SLC24A4: variants seen among roughly 807,000 people sequenced by gnomAD.
SLC24A4 encodes the protein sodium/potassium/calcium exchanger 4.
In SLC24A4, 53 loss-of-function variants were observed where a neutral mutation model predicts 79.0. The observed-to-expected ratio is 0.67, with a 90% confidence interval of 0.54 to 0.84. SLC24A4 has a LOEUF of 0.84. Among genes scored for constraint, SLC24A4 ranks in the 40% least tolerant of loss-of-function variants. The pLI is 0.00. For synonymous variants in SLC24A4, 323 were observed against 323.8 expected (o/e 1.00, Z 0.03); for missense variants, 731 against 822.0 (o/e 0.89, Z 1.35).
At chr14:92,471,434 A>AATT (rs75739467) in intron 12 of SLC24A4, among the ~76,000 whole-genome samples, 11,563 of 152,258 alleles carry the variant, frequency 0.076, 526 homozygotes, top group Non-Finnish European at 0.098. Flanking sequence ...AAGCCTAGGA[A>AATT]ATTAAGATTT....
chr14:92,447,240 G>T (rs997770108), intron 8 of SLC24A4, 131 bp from the exon 9 acceptor site: 1 of 747,580 alleles, frequency 1.3e-6, no homozygotes, highest in Admixed American at 2.2e-5. Flanking sequence ...ACATGCCTGG[G>T]TTCTGGGCCC....
rs1049012693 is a variant in SLC24A4, at chr14:92,493,726, C to T, written c.*98C>T. The T allele has an allele frequency of 3.7e-6, 5 of 1,360,924 alleles. No homozygotes were observed. In the Admixed American group the frequency reaches 8.8e-5, roughly 24 times the overall value. 84.3% of individuals were successfully genotyped at this position (1,360,924 alleles called of 1,614,324 possible). A position where few individuals can be genotyped will look rare whatever the true frequency, so the allele number is the denominator to read the frequency against. On this transcript the variant is annotated 3_prime_UTR_variant, in exon 17 of 17. Transcript: ENST00000532405. ...CCACCACAGGTCTCTCCTGCATAGG[C>T]AGCCACTGTCCGTTCTTTCACACAC...
chr14:92,475,930 A>G (rs1412696331), intron 12 of SLC24A4, among the ~76,000 whole-genome samples: 1 of 152,176 alleles, frequency 6.6e-6, no homozygotes, highest in African/African-American at 2.4e-5. Flanking sequence ...AAACATAGCA[A>G]TGGAACGGGT....
At chr14:92,443,789 G>A (rs1400621816) in intron 7 of SLC24A4, among the ~76,000 whole-genome samples, 1 of 152,228 alleles carries the variant, frequency 6.6e-6, no homozygotes, top group Non-Finnish European at 1.5e-5. Flanking sequence ...CTGCTGGGCT[G>A]TAGTTAAGGC....
At chr14:92,469,168 G>A (rs1894296004) in intron 12 of SLC24A4, among the ~76,000 whole-genome samples, 1 of 152,142 alleles carries the variant, frequency 6.6e-6, no homozygotes, top group Non-Finnish European at 1.5e-5. Context: ...GTACTGGTGA[G>A]GGGATGGGAA....
chr14:92,397,562 G>T (rs1018463881), intron 2 of SLC24A4, among the ~76,000 whole-genome samples: 1 of 152,214 alleles, frequency 6.6e-6, no homozygotes, highest in African/African-American at 2.4e-5. Context: ...GGGTTCCAGG[G>T]AGATTTAAAT....
intron 2 of SLC24A4, among the ~76,000 whole-genome samples, chr14:92,410,732 G>T (rs1890663165): frequency 6.6e-6 from 1 of 152,148 alleles, no homozygotes; most frequent in African/African-American, 2.4e-5. Context: ...GAAAAACCTT[G>T]CCCAAGGCCA....
At chr14:92,334,031 G>A (rs1885634165) in intron 2 of SLC24A4, among the ~76,000 whole-genome samples, 1 of 152,204 alleles carries the variant, frequency 6.6e-6, no homozygotes, top group African/African-American at 2.4e-5. Context: ...CAGGACAAGT[G>A]GGTGAGGAGG....
chr14:92,462,217 A>G (rs1231712806), intron 12 of SLC24A4: 3 of 152,208 alleles, frequency 2.0e-5, no homozygotes. Context: ...AAGCCAGCAC[A>G]TGGCCTTAGG....
At chr14:92,406,239 C>A (rs1005026534) in intron 2 of SLC24A4, among the ~76,000 whole-genome samples, 13 of 152,268 alleles carry the variant, frequency 8.5e-5, no homozygotes, top group African/African-American at 3.1e-4. Context: ...TGGCCTTGGG[C>A]AGCTCTGTCC....
intron 2 of SLC24A4, among the ~76,000 whole-genome samples, chr14:92,409,698 T>A (rs1188765171): frequency 6.6e-6 from 1 of 152,228 alleles, no homozygotes; most frequent in East Asian, 1.9e-4. Flanking sequence ...TTTGGGATTG[T>A]TTGGTTTTTT....
rs1884898449 is a variant in SLC24A4, at chr14:92,323,279, A to C, written c.-552A>C. 1 of 152,096 alleles carries C rather than the reference A, an allele frequency of 6.6e-6. No individual in the cohort carries two copies. The highest frequency in any genetic ancestry group is 1.5e-5 in the Non-Finnish European group (1 of 67,980). 9.4% of individuals were successfully genotyped at this position (152,096 alleles called of 1,614,324 possible). Reference sequence around the variant, plus strand: ...CGAGGGTCTCAGGTACCGCGCGTCCAGCCAGCCTTCCCGCGGCGCGCACTC... The same window carrying C: ...CGAGGGTCTCAGGTACCGCGCGTCCCGCCAGCCTTCCCGCGGCGCGCACTC... On this transcript the variant is annotated 5_prime_UTR_variant, in exon 1 of 17. Transcript: ENST00000532405. The surrounding 1 kb of genome is among the most constrained non-coding windows in gnomAD (Gnocchi z 4.9).
At chr14:92,364,722 C>T (rs1383132191) in intron 2 of SLC24A4, among the ~76,000 whole-genome samples, 1 of 152,218 alleles carries the variant, frequency 6.6e-6, no homozygotes, top group Non-Finnish European at 1.5e-5. Flanking sequence ...GGCCTCACCT[C>T]TCTGATCACC....
At chr14:92,328,051 G>A (rs1042426088) in intron 2 of SLC24A4, among the ~76,000 whole-genome samples, 13 of 120,574 alleles carry the variant, frequency 1.1e-4, no homozygotes, top group African/African-American at 3.9e-4. Context: ...AAGTTTAGTG[G>A]CTTCCTAAGA....
In SLC24A4 at chr14:92,490,844, C is replaced by T. The variant is rs562418378; in HGVS notation, c.1538-821C>T. Among the ~76,000 whole-genome samples, 3 of 152,296 alleles carry T rather than the reference C, an allele frequency of 2.0e-5. No homozygotes were observed. The highest frequency in any genetic ancestry group is 2.1e-4 in the South Asian group (1 of 4,818). On this transcript the variant is annotated intron_variant, in intron 14 of 16. Coordinates refer to ENST00000532405, the MANE Select transcript of SLC24A4 (RefSeq NM_153646.4). The surrounding 1 kb of genome is among the most constrained non-coding windows in gnomAD (Gnocchi z 4.3). The stretch of plus-strand genomic sequence containing the variant: ...CCCACAAACGGGGTGCCGTAAACAA[C>T]GGAAGTGTATTGTCTTGTGGTTCCG...
intron 2 of SLC24A4, among the ~76,000 whole-genome samples, chr14:92,370,055 C>G (rs762999064): frequency 6.6e-5 from 10 of 152,156 alleles, no homozygotes; most frequent in Non-Finnish European, 1.3e-4. Context: ...TGAGCCTAGG[C>G]AAAGGGTATT....
chr14:92,484,060 T>A (rs1895223558), intron 13 of SLC24A4: 3 of 985,280 alleles, frequency 3.0e-6, no homozygotes, highest in African/African-American at 1.7e-5. Flanking sequence ...CTCTATGAAG[T>A]GGGGGTGATC....
intron 14 of SLC24A4, among the ~76,000 whole-genome samples, chr14:92,489,704 A>C (rs1159212655): frequency 2.0e-5 from 3 of 152,070 alleles, no homozygotes; most frequent in Admixed American, 2.0e-4. Flanking sequence ...TGTTCTCACT[A>C]AAATTTGAGT....
intron 2 of SLC24A4, among the ~76,000 whole-genome samples, chr14:92,372,414 C>G (rs529179612): frequency 6.6e-6 from 1 of 152,094 alleles, no homozygotes; most frequent in South Asian, 2.1e-4. Context: ...CTGAGCCTGA[C>G]CCAGGAGAGA....
Sources: gnomAD v4.1 joint callset for allele counts (sites outside exome capture counted in the v4.1 genomes callset) on GRCh38, gnomAD v4.1.1 for gene constraint, Gnocchi (gnomAD v3.1) non-coding constraint, MANE v1.5 for transcripts, NCBI Gene and HGNC (gene_info 2026-07-23, HGNC 2026-07-21) for gene names.